FRY: variants seen among roughly 807,000 people sequenced by gnomAD.
FRY encodes the protein protein furry homolog.
A neutral mutation model predicts 348.4 loss-of-function variants in FRY; 128 were observed. The observed-to-expected ratio is 0.37, with a 90% CI of 0.32 to 0.43. FRY has a LOEUF of 0.43. Ranked by LOEUF, FRY falls within the 20% of genes least tolerant of loss-of-function variation. The pLI, the probability that FRY is intolerant of heterozygous loss-of-function variation, is 1.00. For missense variants in FRY, 2,736 were observed against 3,695.2 expected (o/e 0.74, Z 6.73); for synonymous variants, 1,370 against 1,374.7 (o/e 1.00, Z 0.08).
intron 3 of FRY, among the ~76,000 whole-genome samples, chr13:32,103,623 C>T (rs1160292617): frequency 6.6e-6 from 1 of 152,028 alleles, no homozygotes; most frequent in African/African-American, 2.4e-5. Flanking sequence ...AACAAACCTG[C>T]ACGTTGTGCA....
intron 7 of FRY, among the ~76,000 whole-genome samples, chr13:32,130,452 T>TTGTGTTTG (rs1879284905): frequency 7.0e-6 from 1 of 141,888 alleles, no homozygotes; most frequent in African/African-American, 2.7e-5. Flanking sequence ...TGGAAAGTGT[T>TTGTGTTTG]TGTGTGTGTG....
intron 15 of FRY, among the ~76,000 whole-genome samples, chr13:32,157,038 A>G (rs1321777470): frequency 6.6e-6 from 1 of 152,198 alleles, no homozygotes; most frequent in Admixed American, 6.5e-5. Context: ...AAATACTTCC[A>G]ATTGAGTATT....
rs1340612180 is a variant in FRY, at chr13:32,171,013, C to A, written c.1894C>A (p.Leu632Ile). The change falls in exon 18 of 61, where the codon CTC becomes ATC. Residue 632 changes from leucine (L) to isoleucine (I), a missense_variant and splice_region_variant. Around this residue, in one of 9 missense-constraint regions of FRY, gnomAD observed 191 missense variants for 370.2 expected, o/e 0.52. Coordinates refer to ENST00000542859, the MANE Select transcript of FRY (RefSeq NM_023037.3). ...TATTTTCCTTTATTCGTTTCACAGG[C>A]TCTCTATTCATATGGATGATGAATT... ...KLELIDLLAR[L>I]SIHMDDELRH... 5 of 1,601,700 alleles carry A rather than the reference C, an allele frequency of 3.1e-6. No homozygotes were observed. The highest frequency in any genetic ancestry group is 4.3e-6 in the Non-Finnish European group (5 of 1,168,832).
At chr13:32,147,696 T>A in intron 12 of FRY, 143 bp from the exon 13 acceptor site, 1 of 710,980 alleles carries the variant, frequency 1.4e-6, no homozygotes, top group South Asian at 1.5e-5. Flanking sequence ...GTAATTATGC[T>A]AATGGAAAGA....
chr13:32,255,266 C>T (rs911858987), intron 51 of FRY, among the ~76,000 whole-genome samples: 4 of 152,180 alleles, frequency 2.6e-5, no homozygotes, highest in Non-Finnish European at 5.9e-5. Context: ...AAACGACTCT[C>T]TGCTAGTCCT....
chr13:32,252,824 A>G (rs1209182268), intron 50 of FRY, among the ~76,000 whole-genome samples: 1 of 152,164 alleles, frequency 6.6e-6, no homozygotes, highest in Non-Finnish European at 1.5e-5. Context: ...CCAGCCAGCC[A>G]TCAGCTAAGC....
In FRY at chr13:32,270,323, G is replaced by A. The variant is rs148133404; in HGVS notation, c.8136+2964G>A. On this transcript the variant is annotated intron_variant, in intron 55 of 60. Coordinates refer to ENST00000542859, the MANE Select transcript of FRY (RefSeq NM_023037.3). ...CCCAGGTTCAAGCGATTCTCCTGCC[G>A]CAGCCTCCCGAGTAGCTGGGATTAT... Among the ~76,000 whole-genome samples, 202 of 150,922 alleles carry A rather than the reference G, an allele frequency of 1.3e-3. 3 individuals carry two copies. The East Asian group carries it at 0.031, about 23-fold the overall frequency.
intron 1 of FRY, among the ~76,000 whole-genome samples, chr13:32,077,079 G>A (rs564162212): frequency 1.3e-5 from 2 of 152,168 alleles, no homozygotes; most frequent in African/African-American, 2.4e-5. Flanking sequence ...GGGCAGAAAA[G>A]AATGGAAAGG....
intron 3 of FRY, among the ~76,000 whole-genome samples, chr13:32,102,810 T>C (rs1481607288): frequency 1.3e-5 from 2 of 152,224 alleles, no homozygotes; most frequent in Non-Finnish European, 2.9e-5. Flanking sequence ...CCTAAACTTT[T>C]GCAGTTAATG....
intron 2 of FRY, among the ~76,000 whole-genome samples, chr13:32,093,088 G>A (rs766286002): frequency 6.6e-6 from 1 of 152,098 alleles, no homozygotes. Flanking sequence ...TAGCCAATTC[G>A]TTACACACTC....
intron 46 of FRY, among the ~76,000 whole-genome samples, chr13:32,242,240 A>T (rs927521726): frequency 1.3e-5 from 2 of 152,210 alleles, no homozygotes; most frequent in African/African-American, 4.8e-5. Context: ...ATGACTCTAC[A>T]TTTCCTGAAG....
chr13:32,298,420 A>C lies in FRY; in HGVS notation c.*2960A>C, dbSNP rs530180817. 1.3e-5 allele frequency: 2 copies of C among 152,330 alleles called. No homozygotes were observed. Among genetic ancestry groups the C allele is most frequent in the African/African-American group, 4.8e-5 (2 of 41,574 alleles). 9.4% of individuals were successfully genotyped at this position (152,330 alleles called of 1,614,324 possible). On this transcript the variant is annotated 3_prime_UTR_variant, in exon 61 of 61. Transcript: ENST00000542859. ...TTGTTTGAGATCAATTAATATTTGG[A>C]TACCTATCATGACCCAGGATATTTC...
At chr13:32,050,634 T>G (rs1270021662) in intron 1 of FRY, among the ~76,000 whole-genome samples, 1 of 152,214 alleles carries the variant, frequency 6.6e-6, no homozygotes, top group East Asian at 1.9e-4. Context: ...CCCATTAGGC[T>G]AGTTGAATCA....
chr13:32,090,338 T>C (rs1257724211), intron 2 of FRY, among the ~76,000 whole-genome samples: 3 of 110,070 alleles, frequency 2.7e-5, no homozygotes, highest in Non-Finnish European at 3.4e-5. Context: ...GCGACAGAGC[T>C]GGACTCCATC....
chr13:32,059,543 A>G (rs887480099), intron 1 of FRY, among the ~76,000 whole-genome samples: 2 of 106,684 alleles, frequency 1.9e-5, no homozygotes, highest in African/African-American at 2.9e-5. Flanking sequence ...TTTTTCTTTC[A>G]TCTTTTTTTT....
At chr13:32,041,729 A>G (rs1473802848) in intron 1 of FRY, among the ~76,000 whole-genome samples, 1 of 152,150 alleles carries the variant, frequency 6.6e-6, no homozygotes, top group African/African-American at 2.4e-5. Context: ...CTTCTGTTTT[A>G]CTTGATTGAA....
At chr13:32,265,672 G>T in intron 54 of FRY, 56 bp downstream of exon 54, 1 of 1,511,926 alleles carries the variant, frequency 6.6e-7, no homozygotes, top group South Asian at 1.2e-5. Flanking sequence ...ACATTATATG[G>T]CATTCACACT....
chr13:32,208,472 G>A (rs1475899721), intron 31 of FRY, among the ~76,000 whole-genome samples: 1 of 152,246 alleles, frequency 6.6e-6, no homozygotes, highest in Admixed American at 6.5e-5. Flanking sequence ...GAGATGTTAA[G>A]TAACTAGCCC....
rs372894010 is a variant in FRY at position 32,186,415 on chromosome 13, T to C, written c.3475T>C (p.Leu1159=). Residue 1159 remains leucine (L), a synonymous_variant, in exon 27 of 61, where the codon TTA becomes CTA. Coordinates refer to ENST00000542859, the MANE Select transcript of FRY (RefSeq NM_023037.3). ...GATTACAAGATATCAGTATTGTGCATTAAAAGTAGGTGATATTGTACTCAC... is the reference window on the plus strand; with the variant it reads ...GATTACAAGATATCAGTATTGTGCACTAAAAGTAGGTGATATTGTACTCAC... ...HQITRYQYCA[L]KAMSAVLCCG... is the part of the protein sequence containing the mutation. 37 of 1,597,252 alleles carry C rather than the reference T, an allele frequency of 2.3e-5. No individual in the cohort carries two copies. In the African/African-American group the frequency reaches 4.5e-4, roughly 20 times the overall value.
Sources: allele counts gnomAD v4.1 joint callset (sites outside exome capture counted in the v4.1 genomes callset), GRCh38; gene constraint gnomAD v4.1.1; regional missense constraint gnomAD v4.1.1; transcripts MANE v1.5; gene names NCBI Gene and HGNC (gene_info 2026-07-23, HGNC 2026-07-21).